The following PHACTR1 variants were observed in gnomAD, a reference collection of about 807,000 sequenced individuals.
PHACTR1 encodes the protein RPEL repeat containing 1.
PHACTR1 carries 16 observed loss-of-function variants against 69.2 expected under a neutral mutation model. The observed-to-expected ratio is 0.23, with a 90% CI of 0.16 to 0.35. The LOEUF is 0.35. Among genes scored for constraint, PHACTR1 ranks in the 10% least tolerant of loss-of-function variants. The pLI, the probability that PHACTR1 is intolerant of heterozygous loss-of-function variation, is 1.00. For missense variants in PHACTR1, 510 were observed against 734.7 expected (o/e 0.69, Z 3.54); for synonymous variants, 312 against 284.5 (o/e 1.10, Z -0.97).
At chr6:13,206,403 T>C (rs1400353492) in intron 8 of PHACTR1, among the ~76,000 whole-genome samples, 2 of 152,162 alleles carry the variant, frequency 1.3e-5, no homozygotes, top group Non-Finnish European at 2.9e-5. Flanking sequence ...ATACACACAG[T>C]CCTCAGTGTC....
Position 13,287,053 on chromosome 6 carries a change from G to A in PHACTR1, c.1728-10G>A. 6.2e-7 allele frequency: 1 copy of A among 1,607,440 alleles called. No homozygotes were observed. Among genetic ancestry groups the A allele is most frequent in the Non-Finnish European group, 8.5e-7 (1 of 1,176,722 alleles). ...CCCCTTGGTCTTGATGTAATTGTTTGTTTCCTTAGGTTTCACCGACCTTAA... is the reference window on the plus strand; with the variant it reads ...CCCCTTGGTCTTGATGTAATTGTTTATTTCCTTAGGTTTCACCGACCTTAA... On this transcript the variant is annotated splice_polypyrimidine_tract_variant and intron_variant, in intron 14 of 14. Transcript: ENST00000332995.
At chr6:12,764,513 T>C (rs4285318) in intron 4 of PHACTR1, among the ~76,000 whole-genome samples, 1 of 152,136 alleles carries the variant, frequency 6.6e-6, no homozygotes, top group African/African-American at 2.4e-5. Context: ...AAAAACATTA[T>C]TATTTTTTCC....
At chr6:13,210,234 C>A (rs1273686276) in intron 8 of PHACTR1, among the ~76,000 whole-genome samples, 1 of 152,018 alleles carries the variant, frequency 6.6e-6, no homozygotes, top group Non-Finnish European at 1.5e-5. Flanking sequence ...AAACTGGCAT[C>A]GAACTCATAG....
chr6:13,068,697 T>C (rs1450847610), intron 5 of PHACTR1, among the ~76,000 whole-genome samples: 1 of 152,224 alleles, frequency 6.6e-6, no homozygotes, highest in African/African-American at 2.4e-5. Flanking sequence ...TCCTTTTCTC[T>C]GTGAATTTAC....
chr6:12,971,715 C>T (rs2127581576), intron 4 of PHACTR1, among the ~76,000 whole-genome samples: 1 of 152,284 alleles, frequency 6.6e-6, no homozygotes, highest in Non-Finnish European at 1.5e-5. Context: ...ATGCATAATA[C>T]AATTTTGCAA....
At chr6:13,081,987 A>G (rs968242192) in intron 5 of PHACTR1, among the ~76,000 whole-genome samples, 2 of 152,216 alleles carry the variant, frequency 1.3e-5, no homozygotes, top group Non-Finnish European at 2.9e-5. Flanking sequence ...AAAGAATTGC[A>G]GGTAAGATCA....
chr6:13,119,531 C>A (rs749456243), intron 5 of PHACTR1, among the ~76,000 whole-genome samples: 5 of 152,160 alleles, frequency 3.3e-5, no homozygotes, highest in African/African-American at 1.2e-4. Flanking sequence ...CAGGGACCCA[C>A]TAGCCCAGAA....
intron 4 of PHACTR1, among the ~76,000 whole-genome samples, chr6:12,816,090 T>C (rs1775549282): frequency 6.6e-6 from 1 of 152,220 alleles, no homozygotes; most frequent in South Asian, 2.1e-4. Flanking sequence ...TACCAGATTC[T>C]GGAACTGTCC....
At chr6:12,745,765 A>G (rs143527295) in intron 3 of PHACTR1, among the ~76,000 whole-genome samples, 2 of 152,344 alleles carry the variant, frequency 1.3e-5, no homozygotes, top group East Asian at 3.9e-4. Context: ...TACAAATAAC[A>G]CTAGAGTATT....
At position 12,733,332 on chromosome 6, in the gene PHACTR1, T is replaced by C. The variant is rs139574603; in HGVS notation, c.103+14485T>C. ...CACTGTTTATTAAATACCTAACATA[T>C]AACAGAAACTATGCATATTTGTTTC... On this transcript the variant is annotated intron_variant, in intron 3 of 14. Transcript: ENST00000332995. 6.8e-3 allele frequency among the ~76,000 whole-genome samples: 1,042 copies of C among 152,266 alleles called. 5 individuals carry two copies. Among genetic ancestry groups the C allele is most frequent in the Non-Finnish European group, 0.011 (772 of 68,020 alleles).
At chr6:12,740,918 CTTAA>C (rs1764947348) in intron 3 of PHACTR1, among the ~76,000 whole-genome samples, 1 of 151,722 alleles carries the variant, frequency 6.6e-6, no homozygotes. Flanking sequence ...CTTGCTGGAG[CTTAA>C]TTAATCATTG....
chr6:13,261,968 G>T (rs1775973844), intron 10 of PHACTR1, among the ~76,000 whole-genome samples: 1 of 152,216 alleles, frequency 6.6e-6, no homozygotes, highest in Non-Finnish European at 1.5e-5. Context: ...AGATCATGAA[G>T]AATCTTTCAG....
In PHACTR1 at chr6:12,763,453, A is replaced by G. The variant is rs1021708009; in HGVS notation, c.250+13663A>G. On this transcript the variant is annotated intron_variant, in intron 4 of 14. Transcript: ENST00000332995. Reference sequence around the variant, plus strand: ...AAGCTACCTCATAAAGAAATATATCATCTATGGAGTCCTTTCATAAACCCA... The same window carrying G: ...AAGCTACCTCATAAAGAAATATATCGTCTATGGAGTCCTTTCATAAACCCA... 3.9e-5 allele frequency among the ~76,000 whole-genome samples: 6 copies of G among 152,194 alleles called. 1 individual carries two copies. The South Asian group carries it at 1.2e-3, about 32-fold the overall frequency.
At chr6:12,851,711 C>T (rs932966261) in intron 4 of PHACTR1, among the ~76,000 whole-genome samples, 5 of 152,096 alleles carry the variant, frequency 3.3e-5, no homozygotes, top group Admixed American at 1.3e-4. Flanking sequence ...TCTGAATTTT[C>T]CTTTAAAAAA....
chr6:13,021,824 C>T (rs1801017292), intron 4 of PHACTR1, among the ~76,000 whole-genome samples: 1 of 152,208 alleles, frequency 6.6e-6, no homozygotes, highest in African/African-American at 2.4e-5. Context: ...TGATTTTAGA[C>T]ACCTTACATA....
intron 4 of PHACTR1, among the ~76,000 whole-genome samples, chr6:12,754,087 C>G (rs552108251): frequency 6.7e-6 from 1 of 149,320 alleles, no homozygotes; most frequent in Admixed American, 6.7e-5. Flanking sequence ...CTCAGCCTCC[C>G]GAGTAGCTGG....
chr6:13,277,718 CAGG>C (rs1209744796), intron 11 of PHACTR1, among the ~76,000 whole-genome samples: 1 of 152,176 alleles, frequency 6.6e-6, no homozygotes, highest in Non-Finnish European at 1.5e-5. Context: ...GAGGCCAAGG[CAGG>C]AGGATTGCTT....
intron 10 of PHACTR1, chr6:13,264,819 T>C (rs1341163471): frequency 6.6e-6 from 1 of 152,236 alleles, no homozygotes; most frequent in Non-Finnish European, 1.5e-5. Context: ...ACCCAGGAGT[T>C]TGAGACTGGC....
chr6:13,208,131 T>C (rs1469211262), intron 8 of PHACTR1, among the ~76,000 whole-genome samples: 2 of 152,246 alleles, frequency 1.3e-5, no homozygotes, highest in Admixed American at 6.5e-5. Flanking sequence ...CGTTTTAATC[T>C]ATTACACATA....
Sources: gnomAD v4.1 joint callset for allele counts (sites outside exome capture counted in the v4.1 genomes callset) on GRCh38, gnomAD v4.1.1 for gene constraint, MANE v1.5 for transcripts, NCBI Gene and HGNC (gene_info 2026-07-23, HGNC 2026-07-21) for gene names.